ST6GALNAC3: variants seen among roughly 807,000 people sequenced by gnomAD.
ST6GALNAC3 encodes alpha-N-acetylgalactosaminide alpha-2,6-sialyltransferase 3.
A neutral mutation model predicts 32.7 loss-of-function variants in ST6GALNAC3; 25 were observed. That is an observed-to-expected ratio of 0.76 (90% CI 0.56 to 1.07). The LOEUF is 1.07. Among genes scored for constraint, ST6GALNAC3 ranks in the 50% least tolerant of loss-of-function variants. The probability of loss-of-function intolerance (pLI) is 0.00; values close to 1 mark genes in which losing one functional copy is unlikely to be tolerated. For synonymous variants in ST6GALNAC3, 129 were observed against 133.1 expected (o/e 0.97, Z 0.21); for missense variants, 355 against 382.4 (o/e 0.93, Z 0.60).
chr1:76,417,101 A>G (rs1408086970), intron 3 of ST6GALNAC3, among the ~76,000 whole-genome samples: 1 of 152,106 alleles, frequency 6.6e-6, no homozygotes, highest in Non-Finnish European at 1.5e-5. Context: ...ACTGTCTAAA[A>G]TTATTTGGCT....
chr1:76,136,837 G>A (rs1649976672), intron 1 of ST6GALNAC3, among the ~76,000 whole-genome samples: 1 of 152,092 alleles, frequency 6.6e-6, no homozygotes, highest in Admixed American at 6.6e-5. Context: ...GAATTTTTTT[G>A]TAAAGTTGTC....
chr1:76,573,034 G>C (rs990688910), intron 3 of ST6GALNAC3, among the ~76,000 whole-genome samples: 20 of 152,110 alleles, frequency 1.3e-4, no homozygotes, highest in African/African-American at 4.1e-4. Context: ...ATCTTTTCCT[G>C]GTGATCGATG....
chr1:76,113,845 A>C (rs886621167), intron 1 of ST6GALNAC3, among the ~76,000 whole-genome samples: 27 of 149,518 alleles, frequency 1.8e-4, no homozygotes, highest in Admixed American at 1.8e-3. Flanking sequence ...TTTTTTTTTG[A>C]GATGGAGTTT....
intron 3 of ST6GALNAC3, among the ~76,000 whole-genome samples, chr1:76,485,330 A>C (rs1416651208): frequency 6.6e-6 from 1 of 152,084 alleles, no homozygotes; most frequent in African/African-American, 2.4e-5. Context: ...TGGTAGAATT[A>C]GGCTGTGAAT....
intron 1 of ST6GALNAC3, among the ~76,000 whole-genome samples, chr1:76,181,980 A>G (rs1381515018): frequency 6.6e-6 from 1 of 152,162 alleles, no homozygotes; most frequent in Non-Finnish European, 1.5e-5. Context: ...TATTTCTCAT[A>G]TCTACAATGA....
At chr1:76,456,099 G>A (rs983150840) in intron 3 of ST6GALNAC3, among the ~76,000 whole-genome samples, 1 of 152,162 alleles carries the variant, frequency 6.6e-6, no homozygotes, top group Admixed American at 6.5e-5. Flanking sequence ...TTGAACCCAC[G>A]AGGTTGTGGT....
At chr1:76,169,872 A>T (rs1227500164) in intron 1 of ST6GALNAC3, among the ~76,000 whole-genome samples, 2 of 152,124 alleles carry the variant, frequency 1.3e-5, no homozygotes, top group African/African-American at 2.4e-5. Flanking sequence ...GCATTATTTT[A>T]TCATGATTTG....
intron 3 of ST6GALNAC3, among the ~76,000 whole-genome samples, chr1:76,528,675 T>C (rs548823238): frequency 1.3e-5 from 2 of 151,892 alleles, no homozygotes; most frequent in Admixed American, 1.3e-4. Context: ...CAGGTACTGT[T>C]CTCTCTCCAC....
intron 1 of ST6GALNAC3, among the ~76,000 whole-genome samples, chr1:76,137,742 A>G (rs1650041048): frequency 6.6e-6 from 1 of 152,214 alleles, no homozygotes; most frequent in Admixed American, 6.5e-5. Flanking sequence ...GTGATTCTCC[A>G]GGCTAGGAAC....
chr1:76,184,006 A>C (rs552261580), intron 1 of ST6GALNAC3, among the ~76,000 whole-genome samples: 1 of 151,634 alleles, frequency 6.6e-6, no homozygotes, highest in African/African-American at 2.4e-5. Context: ...GTATTAGTCT[A>C]TCTTGTTTCT....
chr1:76,484,202 T>C (rs1337740651), intron 3 of ST6GALNAC3, among the ~76,000 whole-genome samples: 2 of 152,146 alleles, frequency 1.3e-5, no homozygotes, highest in African/African-American at 2.4e-5. Context: ...CTTGGCAATG[T>C]GGGCTCTTTT....
chr1:76,091,255 A>T (rs1647041171), intron 1 of ST6GALNAC3, among the ~76,000 whole-genome samples: 1 of 152,252 alleles, frequency 6.6e-6, no homozygotes, highest in Non-Finnish European at 1.5e-5. Context: ...TATTCTTGGC[A>T]AATAAAGCTA....
chr1:76,327,275 C>CGTGTGTGTGT (rs3079480), intron 2 of ST6GALNAC3, among the ~76,000 whole-genome samples: 36 of 138,746 alleles, frequency 2.6e-4, no homozygotes, highest in East Asian at 1.1e-3. Flanking sequence ...TGTATATATG[C>CGTGTGTGTGT]GTGTGTGTGT....
At chr1:76,095,731 G>C (rs1647120230) in intron 1 of ST6GALNAC3, among the ~76,000 whole-genome samples, 1 of 152,064 alleles carries the variant, frequency 6.6e-6, no homozygotes, top group Admixed American at 6.6e-5. Flanking sequence ...TTCTAGTGTT[G>C]AGTGTCAAAA....
At chr1:76,588,349 C>G (rs1323060157) in intron 3 of ST6GALNAC3, among the ~76,000 whole-genome samples, 1 of 152,016 alleles carries the variant, frequency 6.6e-6, no homozygotes, top group Non-Finnish European at 1.5e-5. Flanking sequence ...TTGGTTTCTG[C>G]TTTTCTACCA....
At chr1:76,327,150 C>T (rs981950877) in intron 2 of ST6GALNAC3, among the ~76,000 whole-genome samples, 2 of 152,040 alleles carry the variant, frequency 1.3e-5, no homozygotes, top group Non-Finnish European at 2.9e-5. Context: ...TCTCTTGGAA[C>T]TTCTCAAGGT....
intron 3 of ST6GALNAC3, among the ~76,000 whole-genome samples, chr1:76,578,136 C>T (rs1226518301): frequency 6.6e-6 from 1 of 152,006 alleles, no homozygotes; most frequent in East Asian, 1.9e-4. Context: ...TGAGGTGTTT[C>T]TGGGATGTAC....
chr1:76,630,169 T>C lies in ST6GALNAC3; in HGVS notation c.*1363T>C. On this transcript the variant is annotated 3_prime_UTR_variant, in exon 5 of 5. Transcript: ENST00000328299. ...CCAGATTGCTCTACTTGCTAATATT[T>C]GTATAGAATAGAATTTATGTAAACT... 1 of 985,234 alleles carries C rather than the reference T, an allele frequency of 1.0e-6. No individual in the cohort carries two copies. The highest frequency in any genetic ancestry group is 1.2e-6 in the Non-Finnish European group (1 of 829,830). 61.0% of individuals were successfully genotyped at this position (985,234 alleles called of 1,614,324 possible).
intron 3 of ST6GALNAC3, among the ~76,000 whole-genome samples, chr1:76,436,848 G>A (rs761970451): frequency 8.6e-5 from 13 of 151,964 alleles, no homozygotes; most frequent in Non-Finnish European, 1.5e-4. Flanking sequence ...ACACATTTGG[G>A]GAATTTTTTT....
Sources: gnomAD v4.1 joint callset for allele counts (sites outside exome capture counted in the v4.1 genomes callset) on GRCh38, gnomAD v4.1.1 for gene constraint, MANE v1.5 for transcripts, NCBI Gene and HGNC (gene_info 2026-07-23, HGNC 2026-07-21) for gene names.